Variants in MRPS33 observed in about 807,000 individuals in gnomAD.
MRPS33 encodes the protein mitochondrial ribosomal protein S33.
A neutral mutation model predicts 11.2 loss-of-function variants in MRPS33; 11 were observed. The ratio of observed to expected loss-of-function variants is 0.99; its 90% CI spans 0.62 to 1.63. MRPS33 has a LOEUF of 1.63. Among genes scored for constraint, MRPS33 ranks in the 40% most tolerant of loss-of-function variants. MRPS33 has a pLI of 0.00. For missense variants in MRPS33, 109 were observed against 127.8 expected, an observed-to-expected ratio of 0.85 and a Z score of 0.71; for synonymous variants, 46 against 44.0, an observed-to-expected ratio of 1.05 and a Z score of -0.18.
At chr7:141,008,058 G>A (rs1820578577) in intron 2 of MRPS33, among the ~76,000 whole-genome samples, 1 of 152,098 alleles carries the variant, frequency 6.6e-6, no homozygotes, top group Non-Finnish European at 1.5e-5. Context: ...CTGAGAACTG[G>A]TGCTTCCCTC....
At chr7:141,010,019 G>A in intron 2 of MRPS33, 1 of 168,506 alleles carries the variant, frequency 5.9e-6, no homozygotes, top group Middle Eastern at 3.0e-3. Context: ...GGCCAGGATG[G>A]TCTTGATTTC....
chr7:141,007,723 C>T (rs1045153585), intron 2 of MRPS33, among the ~76,000 whole-genome samples: 1 of 152,116 alleles, frequency 6.6e-6, no homozygotes, highest in Non-Finnish European at 1.5e-5. Flanking sequence ...CTACTTGGCT[C>T]ACTCACCACC....
intron 1 of MRPS33, among the ~76,000 whole-genome samples, chr7:141,012,172 T>TAAAAAAAAAAA (rs1302725022): frequency 2.1e-4 from 1 of 4,822 alleles, no homozygotes; most frequent in African/African-American, 8.1e-4. Context: ...AGATTGTGTG[T>TAAAAAAAAAAA]CAAAAAAAAA....
intron 2 of MRPS33, 25 bp downstream of exon 2, chr7:141,010,394 G>A: frequency 6.2e-7 from 1 of 1,609,262 alleles, no homozygotes; most frequent in Non-Finnish European, 8.5e-7. Flanking sequence ...GTCTCTCATA[G>A]GTCCCTCTTT....
At chr7:141,014,281 C>A (rs941909327) in intron 1 of MRPS33, 1 of 152,130 alleles carries the variant, frequency 6.6e-6, no homozygotes, top group Admixed American at 6.5e-5. Context: ...AGTGTACACA[C>A]GTTGTCATAG....
intron 2 of MRPS33, among the ~76,000 whole-genome samples, chr7:141,008,072 C>T (rs780478109): frequency 6.6e-6 from 1 of 152,160 alleles, no homozygotes; most frequent in Non-Finnish European, 1.5e-5. Context: ...TTCCCTCCCT[C>T]TTTTGCAGAT....
chr7:141,010,433 A>G lies in MRPS33; in HGVS notation c.201T>C (p.Phe67=). The G allele has an allele frequency of 6.2e-7, 1 of 1,614,182 alleles. No individual in the cohort carries two copies. ...TYAELMQTLR[F]LGLYRDEHQD... ...TTTGTCATCACCTGTAGAGTCCAAG[A>G]AATCGGAGCGTCTGCATGAGTTCAG... Residue 67 remains phenylalanine (F), a synonymous_variant, in exon 2 of 3, where the codon TTT becomes TTC. Coordinates refer to ENST00000324787, the MANE Select transcript of MRPS33 (RefSeq NM_053035.3).
intron 2 of MRPS33, among the ~76,000 whole-genome samples, chr7:141,007,376 A>T (rs1820558505): frequency 6.6e-6 from 1 of 152,180 alleles, no homozygotes; most frequent in Non-Finnish European, 1.5e-5. Flanking sequence ...GCTGAGCTTA[A>T]GTTTTAACTC....
chr7:141,012,173 C>CAAAAAAAAAAAA (rs56343833), intron 1 of MRPS33, among the ~76,000 whole-genome samples: 619 of 58,722 alleles, frequency 0.011, 162 homozygotes, highest in African/African-American at 0.027. Flanking sequence ...GATTGTGTGT[C>CAAAAAAAAAAAA]AAAAAAAAAA....
intron 1 of MRPS33, among the ~76,000 whole-genome samples, chr7:141,013,925 T>G (rs1044973494): frequency 5.9e-5 from 9 of 152,246 alleles, no homozygotes; most frequent in African/African-American, 2.2e-4. Context: ...GCAAGAGTTC[T>G]TAACCGGGAT....
Position 141,013,089 on chromosome 7 carries a change from CAGAT to C in MRPS33, c.-28+1818_-28+1821del, listed in dbSNP as rs567930271. Reference sequence around the variant, plus strand: ...AAAAAAAAAAAGAGAGAGAGACAGACAGATAGATACTCCATATAGTAAAAACTTT... The same window carrying C: ...AAAAAAAAAAAGAGAGAGAGACAGACAGATACTCCATATAGTAAAAACTTT... On this transcript the variant is annotated intron_variant, in intron 1 of 2. Coordinates refer to ENST00000324787, the MANE Select transcript of MRPS33 (RefSeq NM_053035.3). Among the ~76,000 whole-genome samples, 73 of 151,470 alleles carry C rather than the reference CAGAT, an allele frequency of 4.8e-4. 1 individual carries two copies. The South Asian group carries it at 0.013, about 28-fold the overall frequency.
In MRPS33 at chr7:141,004,901, A is replaced by T. The variant is rs2129163820; in HGVS notation, c.*1529T>A. On this transcript the variant is annotated 3_prime_UTR_variant, in exon 3 of 3. Transcript: ENST00000324787. ...GCTGGGACTACAGGCACCCACCACC[A>T]CGCCCGGCTAACTTTTTTGCATTTT... The T allele has an allele frequency of 1.3e-5, 2 of 152,170 alleles. No homozygotes were observed. Among genetic ancestry groups the T allele is most frequent in the South Asian group, 4.1e-4 (2 of 4,824 alleles). 9.4% of individuals were successfully genotyped at this position (152,170 alleles called of 1,614,324 possible).
Position 141,006,452 on chromosome 7 carries a change from T to A in MRPS33, c.299A>T (p.Lys100Ile), listed in dbSNP as rs1183661477. ...GKEKPKKGEGKRAAKRK is the reference protein window; with the variant it reads ...GKEKPKKGEGIRAAKRK ...ACACTATTTCCTTTTTGCTGCTCTT[T>A]TCCCTTCTCCTTTCTTTGGTTTCTC... The change falls in exon 3 of 3, where the codon AAA (lysine) becomes ATA (isoleucine). Residue 100 changes from lysine (K) to isoleucine (I), a missense_variant. By Grantham distance (102) the Lys-to-Ile change is moderately radical. Coordinates refer to ENST00000324787, the MANE Select transcript of MRPS33 (RefSeq NM_053035.3). 2 of 1,613,422 alleles carry A rather than the reference T, an allele frequency of 1.2e-6. No homozygotes were observed. The highest frequency in any genetic ancestry group is 2.7e-5 in the African/African-American group (2 of 74,946).
At chr7:141,010,198 A>C in intron 2 of MRPS33, 1 of 540,734 alleles carries the variant, frequency 1.8e-6, no homozygotes, top group Non-Finnish European at 3.3e-6. Flanking sequence ...TTGTAGACAT[A>C]ATTAAAATAT....
At chr7:141,008,688 A>G (rs944896672) in intron 2 of MRPS33, among the ~76,000 whole-genome samples, 3 of 152,244 alleles carry the variant, frequency 2.0e-5, no homozygotes, top group Middle Eastern at 3.2e-3. Context: ...GACAACTCCA[A>G]TTACAACTTG....
chr7:141,009,813 T>C (rs1459741735), intron 2 of MRPS33: 1 of 151,630 alleles, frequency 6.6e-6, no homozygotes, highest in African/African-American at 2.4e-5. Flanking sequence ...GTTTTTTTTT[T>C]TTTTTTCTCG....
At chr7:141,014,102 C>T (rs1196633278) in intron 1 of MRPS33, among the ~76,000 whole-genome samples, 1 of 152,170 alleles carries the variant, frequency 6.6e-6, no homozygotes, top group East Asian at 1.9e-4. Context: ...GGAATCTCGC[C>T]TCTGCCTTTT....
chr7:141,007,767 G>A (rs749963705), intron 2 of MRPS33, among the ~76,000 whole-genome samples: 4 of 152,030 alleles, frequency 2.6e-5, no homozygotes, highest in Admixed American at 6.6e-5. Context: ...ACTCCTCAAC[G>A]AGGCTGACCC....
chr7:141,008,002 G>C (rs557317106), intron 2 of MRPS33, among the ~76,000 whole-genome samples: 1 of 152,106 alleles, frequency 6.6e-6, no homozygotes, highest in Non-Finnish European at 1.5e-5. Context: ...TGTCTCTGTT[G>C]ATGATACAAG....
Sources: gnomAD v4.1 joint callset for allele counts (sites outside exome capture counted in the v4.1 genomes callset) on GRCh38, gnomAD v4.1.1 for gene constraint, MANE v1.5 for transcripts, NCBI Gene and HGNC (gene_info 2026-07-23, HGNC 2026-07-21) for gene names.